PKD2L2: variants seen among roughly 807,000 people sequenced by gnomAD.
PKD2L2 encodes polycystin 2 like 2, transient receptor potential cation channel.
PKD2L2 carries 67 observed loss-of-function variants against 83.9 expected under a neutral mutation model. The observed-to-expected ratio is 0.80, with a 90% CI of 0.66 to 0.98. The LOEUF (loss-of-function observed/expected upper bound fraction) is 0.98, where lower values mean the gene tolerates loss of function less well. PKD2L2 is among the 50% of genes least tolerant of loss of function. The probability of loss-of-function intolerance (pLI) is 0.00; values close to 1 mark genes in which losing one functional copy is unlikely to be tolerated. For synonymous variants in PKD2L2, 223 were observed against 237.8 expected (o/e 0.94, Z 0.57); for missense variants, 632 against 717.2 (o/e 0.88, Z 1.36).
chr5:137,915,640 C>T (rs62374145), intron 8 of PKD2L2, among the ~76,000 whole-genome samples: 64,268 of 151,954 alleles, frequency 0.42, 14,469 homozygotes, highest in East Asian at 0.6. Flanking sequence ...AAGCTGGTAT[C>T]GAACTCCTGA....
At chr5:137,913,888 G>A (rs1401132935) in intron 8 of PKD2L2, among the ~76,000 whole-genome samples, 2 of 140,954 alleles carry the variant, frequency 1.4e-5, no homozygotes, top group South Asian at 4.5e-4. Context: ...TTTTTTTCCC[G>A]ATGAGGTCTT....
rs1425134294 is a variant in PKD2L2, at chr5:137,908,874, T to C, written c.1256T>C (p.Phe419Ser). 1.9e-6 allele frequency: 3 copies of C among 1,608,718 alleles called. No individual in the cohort carries two copies. The highest frequency in any genetic ancestry group is 2.6e-6 in the Non-Finnish European group (3 of 1,175,594). Residue 419 changes from phenylalanine to serine, a missense_variant, in exon 8 of 15, where the codon TTT becomes TCT. Around this residue, in one of 3 missense-constraint regions of PKD2L2, gnomAD observed 399 missense variants for 416.9 expected, o/e 0.96. Coordinates refer to ENST00000508883, the MANE Select transcript of PKD2L2 (RefSeq NM_001300921.2). The part of the protein sequence containing the change: ...GFAIMFFIIF[F>S]AYAQLGFLVF... ...GCCATCATGTTTTTTATAATATTCTTTGCTTATGCCCAGTTAGGATTTCTT... is the reference window on the plus strand; with the variant it reads ...GCCATCATGTTTTTTATAATATTCTCTGCTTATGCCCAGTTAGGATTTCTT...
rs763846607 is a variant in PKD2L2 at position 137,892,483 on chromosome 5, CTT to C, written c.140_141del (p.Phe47TrpfsTer26). ...AACAAAAAATTATTCTCCTTAGTGA[CTT>C]TTGGGATGGTAAACCCACATATGTA... On this transcript the variant is annotated frameshift_variant, in exon 3 of 15. Coordinates refer to ENST00000508883, the MANE Select transcript of PKD2L2 (RefSeq NM_001300921.2). LOFTEE classifies it high-confidence loss of function. The C allele has an allele frequency of 2.0e-6, 3 of 1,507,892 alleles. No homozygotes were observed. Among genetic ancestry groups the C allele is most frequent in the Non-Finnish European group, 2.7e-6 (3 of 1,114,506 alleles). 93.4% of individuals were successfully genotyped at this position (1,507,892 alleles called of 1,614,324 possible).
rs117188428 is a variant in PKD2L2, at chr5:137,891,665, C to T, written c.134-815C>T. Among the ~76,000 whole-genome samples, 15 of 151,856 alleles carry T rather than the reference C, an allele frequency of 9.9e-5. 1 individual carries two copies. The East Asian group carries it at 2.7e-3, about 27-fold the overall frequency. On this transcript the variant is annotated intron_variant, in intron 2 of 14. Transcript: ENST00000508883. ...CACTTTTTTTAATATAATACAGCAACCTGAATCTCCATTTATAATGTGATT... is the reference window on the plus strand; with the variant it reads ...CACTTTTTTTAATATAATACAGCAATCTGAATCTCCATTTATAATGTGATT...
chr5:137,918,098 T>C (rs927553240), intron 8 of PKD2L2, among the ~76,000 whole-genome samples: 11 of 152,238 alleles, frequency 7.2e-5, no homozygotes, highest in Non-Finnish European at 1.5e-4. Context: ...CATTTGAATC[T>C]AATAATGTGA....
intron 5 of PKD2L2, among the ~76,000 whole-genome samples, chr5:137,901,214 G>C (rs970531158): frequency 6.6e-6 from 1 of 152,124 alleles, no homozygotes; most frequent in African/African-American, 2.4e-5. Context: ...TCTAAAGTTG[G>C]AGAATTTAAT....
At chr5:137,900,396 C>A (rs1756854677) in intron 5 of PKD2L2, among the ~76,000 whole-genome samples, 1 of 152,134 alleles carries the variant, frequency 6.6e-6, no homozygotes, top group Non-Finnish European at 1.5e-5. Flanking sequence ...CACCATGGGA[C>A]CCATACAAAG....
rs751922870 is a variant in PKD2L2, at chr5:137,894,366, C to T, written c.281C>T (p.Pro94Leu). 11 of 1,600,774 alleles carry T rather than the reference C, an allele frequency of 6.9e-6. No homozygotes were observed. The East Asian group carries it at 2.5e-4, about 36-fold the overall frequency. Residue 94 changes from proline (P) to leucine (L), a missense_variant, in exon 4 of 15, where the codon CCC becomes CTC. Around this residue, in one of 3 missense-constraint regions of PKD2L2, gnomAD observed 229 missense variants for 281.5 expected, o/e 0.81. Coordinates refer to ENST00000508883, the MANE Select transcript of PKD2L2 (RefSeq NM_001300921.2). Reference protein sequence around the residue: ...ITDFWKFMEGPLLEGLYWDSW... With the variant: ...ITDFWKFMEGLLLEGLYWDSW... ...TTCTCTGTGGAGTTTATGGAAGGAC[C>T]CCTTTTGGAAGGTCTGTACTGGGAT... is the stretch of plus-strand genomic sequence containing the variant.
intron 12 of PKD2L2, among the ~76,000 whole-genome samples, chr5:137,934,104 G>C (rs1366084780): frequency 6.6e-6 from 1 of 152,190 alleles, no homozygotes; most frequent in East Asian, 1.9e-4. Context: ...TATTGCAGGA[G>C]TGTAAGGGCC....
At chr5:137,923,726 G>A (rs1759132971) in intron 10 of PKD2L2, among the ~76,000 whole-genome samples, 1 of 152,092 alleles carries the variant, frequency 6.6e-6, no homozygotes, top group Non-Finnish European at 1.5e-5. Flanking sequence ...TATGCTCTCT[G>A]ACTTCAAAAA....
At chr5:137,909,488 T>C (rs1580928293) in intron 8 of PKD2L2, among the ~76,000 whole-genome samples, 1 of 151,634 alleles carries the variant, frequency 6.6e-6, no homozygotes, top group Non-Finnish European at 1.5e-5. Context: ...CCTAAGATAA[T>C]AGAAATTGTC....
rs1383497322 is a variant in PKD2L2, at chr5:137,889,491, C to T, written c.-1C>T. ...AACGGGCGGTGTAGTGCAGGTCCGC[C>T]ATGGCTGAGGCGTCACGGTGGCACC... On this transcript the variant is annotated 5_prime_UTR_variant, in exon 1 of 15. Transcript: ENST00000508883. 3.8e-6 allele frequency: 6 copies of T among 1,567,868 alleles called. No individual in the cohort carries two copies. The African/African-American group carries it at 4.3e-5, about 11-fold the overall frequency.
intron 14 of PKD2L2, among the ~76,000 whole-genome samples, chr5:137,941,077 T>A (rs2150098599): frequency 6.6e-6 from 1 of 152,176 alleles, no homozygotes; most frequent in South Asian, 2.1e-4. Flanking sequence ...GCCTAATTTT[T>A]TTTGTATTTT....
At position 137,923,517 on chromosome 5, in the gene PKD2L2, A is replaced by G. The variant is rs1189427495; in HGVS notation, c.1547A>G (p.Lys516Arg). 1.5e-6 allele frequency: 2 copies of G among 1,340,478 alleles called. No homozygotes were observed. Among genetic ancestry groups the G allele is most frequent in the African/African-American group, 1.4e-5 (1 of 69,868 alleles). 83.0% of individuals were successfully genotyped at this position (1,340,478 alleles called of 1,614,324 possible). ...GATTTTGAACTTGGCAAAATGATTA[A>G]ACAGGTAAGTCAAATTTCTTTCCTA... The part of the protein sequence containing the change: ...RLDFELGKMI[K>R]QSYKNVLEKF... The change falls in exon 10 of 15, where the codon AAA becomes AGA. Residue 516 changes from lysine (K) to arginine (R), a missense_variant. By Grantham distance (26) the Lys-to-Arg change is conservative. This residue lies in a region of PKD2L2 where 399 missense variants were observed against 416.9 expected (regional missense o/e 0.96). Transcript: ENST00000508883.
intron 8 of PKD2L2, among the ~76,000 whole-genome samples, chr5:137,913,261 G>A (rs1033610963): frequency 3.5e-5 from 5 of 144,126 alleles, no homozygotes; most frequent in Admixed American, 2.1e-4. Context: ...TCAGCTCACT[G>A]CAGCCTCAAC....
intron 8 of PKD2L2, among the ~76,000 whole-genome samples, chr5:137,917,864 A>G (rs1165524850): frequency 1.3e-5 from 2 of 152,116 alleles, no homozygotes; most frequent in South Asian, 2.1e-4. Context: ...GAATTTTTAG[A>G]TTCAAACTTT....
At chr5:137,928,432 A>G (rs1759562772) in intron 12 of PKD2L2, among the ~76,000 whole-genome samples, 1 of 151,674 alleles carries the variant, frequency 6.6e-6, no homozygotes, top group Admixed American at 6.6e-5. Flanking sequence ...GAATTAATAA[A>G]CCAGTAAGAA....
At chr5:137,901,146 A>AG (rs1361359993) in intron 5 of PKD2L2, among the ~76,000 whole-genome samples, 8 of 152,010 alleles carry the variant, frequency 5.3e-5, no homozygotes, top group Non-Finnish European at 7.4e-5. Flanking sequence ...CAAAAAAAAA[A>AG]AAAGAAAGAA....
chr5:137,925,905 C>A lies in PKD2L2; in HGVS notation c.1647C>A (p.Ala549=). ...GCAGCGGAGATTTGGCTGAACAAGC[C>A]AGAAGAGAAGGCTTTGACGAAAATG... ...TKGSGDLAEQ[A]RREGFDENEI... The change falls in exon 12 of 15, where the codon GCC becomes GCA. Residue 549 remains alanine, a synonymous_variant. Coordinates refer to ENST00000508883, the MANE Select transcript of PKD2L2 (RefSeq NM_001300921.2). 1 of 1,596,712 alleles carries A rather than the reference C, an allele frequency of 6.3e-7. No individual in the cohort carries two copies. Among genetic ancestry groups the A allele is most frequent in the Non-Finnish European group, 8.6e-7 (1 of 1,166,580 alleles).
Sources: gnomAD v4.1 joint callset for allele counts (sites outside exome capture counted in the v4.1 genomes callset) on GRCh38, gnomAD v4.1.1 for gene constraint, gnomAD v4.1.1 regional missense constraint, MANE v1.5 for transcripts, NCBI Gene and HGNC (gene_info 2026-07-23, HGNC 2026-07-21) for gene names.